The following GAS7 variants were observed in gnomAD, a reference collection of about 807,000 sequenced individuals.
GAS7 encodes growth arrest-specific protein 7.
Under a neutral mutation model 71.1 loss-of-function variants are expected in GAS7, and 28 were observed. That is an observed-to-expected ratio of 0.39 (90% confidence interval 0.29 to 0.54). The LOEUF (loss-of-function observed/expected upper bound fraction) is 0.54. Ranked by LOEUF, GAS7 falls within the 20% of genes least tolerant of loss-of-function variation. The pLI is 0.62. For missense variants in GAS7, 436 were observed against 627.8 expected (o/e 0.69, Z 3.27); for synonymous variants, 258 against 245.8 (o/e 1.05, Z -0.46).
At chr17:10,127,867 C>T (rs1248655288) in intron 1 of GAS7, among the ~76,000 whole-genome samples, 1 of 152,236 alleles carries the variant, frequency 6.6e-6, no homozygotes, top group Non-Finnish European at 1.5e-5. Context: ...CCAGAACCCA[C>T]GCAAAGATCT....
intron 1 of GAS7, among the ~76,000 whole-genome samples, chr17:10,063,000 G>A (rs2073236089): frequency 6.6e-6 from 1 of 152,246 alleles, no homozygotes; most frequent in Admixed American, 6.5e-5. Context: ...CAGACATCAG[G>A]GGGCACACAG....
intron 2 of GAS7, among the ~76,000 whole-genome samples, chr17:10,007,416 G>A (rs1211120880): frequency 6.6e-6 from 1 of 151,960 alleles, no homozygotes; most frequent in Non-Finnish European, 1.5e-5. Flanking sequence ...CCTGAGGTCA[G>A]GAGTTTGAGA....
chr17:10,038,310 C>T lies in GAS7; in HGVS notation c.184-18413G>A, dbSNP rs540298421. 7.2e-5 allele frequency among the ~76,000 whole-genome samples: 11 copies of T among 152,210 alleles called. No homozygotes were observed. The East Asian group carries it at 2.1e-3, about 29-fold the overall frequency. On this transcript the variant is annotated intron_variant, in intron 1 of 13. Transcript: ENST00000432992. ...GGTGCAGTGAGCTAGGATCACACCA[C>T]TCTCACTCCAGCCTGGGCAACGGAG...
At chr17:10,080,799 TGAA>T (rs1301889668) in intron 1 of GAS7, among the ~76,000 whole-genome samples, 13 of 152,208 alleles carry the variant, frequency 8.5e-5, no homozygotes, top group Non-Finnish European at 1.8e-4. Context: ...AAGACAATTT[TGAA>T]GAAGAATGAG....
chr17:10,110,051 C>G (rs1413378807), intron 1 of GAS7, among the ~76,000 whole-genome samples: 1 of 112,694 alleles, frequency 8.9e-6, no homozygotes. Flanking sequence ...AAGGCTCCGT[C>G]TCAAAAAAAA....
intron 1 of GAS7, among the ~76,000 whole-genome samples, chr17:10,185,538 A>T (rs2074445651): frequency 6.6e-6 from 1 of 152,234 alleles, no homozygotes; most frequent in South Asian, 2.1e-4. Flanking sequence ...TGTATCCTTT[A>T]TAGTAAACCA....
chr17:9,991,255 G>A (rs1426246321), intron 2 of GAS7, among the ~76,000 whole-genome samples: 1 of 152,182 alleles, frequency 6.6e-6, no homozygotes, highest in Admixed American at 6.5e-5. Flanking sequence ...TGCTAGGGGT[G>A]AAGGGGGGCT....
chr17:10,025,045 G>T (rs1479175791), intron 1 of GAS7, among the ~76,000 whole-genome samples: 1 of 152,196 alleles, frequency 6.6e-6, no homozygotes, highest in African/African-American at 2.4e-5. Flanking sequence ...CAAGGCATCT[G>T]AGACGCAGAG....
In GAS7 at chr17:10,186,042, G is replaced by A. The variant is rs931838538; in HGVS notation, c.183+12166C>T. Among the ~76,000 whole-genome samples, 4 of 137,320 alleles carry A rather than the reference G, an allele frequency of 2.9e-5. No individual in the cohort carries two copies. In the South Asian group the frequency reaches 7.3e-4, roughly 25 times the overall value. 90.1% of individuals were successfully genotyped at this position (137,320 alleles called of 152,430 possible). A position where few individuals can be genotyped will look rare whatever the true frequency, so the allele number is the denominator to read the frequency against. Reference sequence around the variant, plus strand: ...GCATTCTCGGCTCACTGCAAGCTCCGCCTCCTGGTTCACGCCATTCTCCTG... The same window carrying A: ...GCATTCTCGGCTCACTGCAAGCTCCACCTCCTGGTTCACGCCATTCTCCTG... On this transcript the variant is annotated intron_variant, in intron 1 of 13. Coordinates refer to ENST00000432992, the MANE Select transcript of GAS7 (RefSeq NM_201433.2).
intron 1 of GAS7, among the ~76,000 whole-genome samples, chr17:10,084,875 C>T (rs1597782678): frequency 6.6e-6 from 1 of 152,158 alleles, no homozygotes. Context: ...CTCTCCACAA[C>T]AAACGCCAAG....
chr17:9,980,653 A>G (rs2070378687), intron 3 of GAS7, among the ~76,000 whole-genome samples: 1 of 152,220 alleles, frequency 6.6e-6, no homozygotes, highest in South Asian at 2.1e-4. Flanking sequence ...TTGGTGAATT[A>G]GTTCAACACG....
chr17:10,117,607 G>A (rs1271936520), intron 1 of GAS7, among the ~76,000 whole-genome samples: 1 of 152,172 alleles, frequency 6.6e-6, no homozygotes, highest in African/African-American at 2.4e-5. Flanking sequence ...ACCCAATTAT[G>A]TAGCACCTCA....
intron 1 of GAS7, among the ~76,000 whole-genome samples, chr17:10,177,290 A>T (rs540977869): frequency 1.3e-5 from 2 of 152,280 alleles, no homozygotes; most frequent in African/African-American, 4.8e-5. Flanking sequence ...AAAGGCACAG[A>T]GGTGTCAGGT....
At chr17:10,195,234 C>A (rs1035148932) in intron 1 of GAS7, among the ~76,000 whole-genome samples, 7 of 152,204 alleles carry the variant, frequency 4.6e-5, no homozygotes, top group Non-Finnish European at 8.8e-5. Context: ...TGGCCTCCTC[C>A]CAAGGGCTAG....
intron 9 of GAS7, among the ~76,000 whole-genome samples, chr17:9,928,267 C>A (rs2068085807): frequency 6.7e-6 from 1 of 148,998 alleles, no homozygotes; most frequent in Admixed American, 6.8e-5. Flanking sequence ...CACCTGCCAC[C>A]ACGCCCGGCT....
chr17:10,031,429 G>A lies in GAS7; in HGVS notation c.184-11532C>T, dbSNP rs376296503. 5.2e-4 allele frequency among the ~76,000 whole-genome samples: 79 copies of A among 152,314 alleles called. No homozygotes were observed. In the East Asian group the frequency reaches 0.014, roughly 26 times the overall value. ...AAGCTGGAAATATGGAGTCTCCGGGGGGACAAGGATTGATGAAAAGATTTG... is the reference window on the plus strand; with the variant it reads ...AAGCTGGAAATATGGAGTCTCCGGGAGGACAAGGATTGATGAAAAGATTTG... On this transcript the variant is annotated intron_variant, in intron 1 of 13. Coordinates refer to ENST00000432992, the MANE Select transcript of GAS7 (RefSeq NM_201433.2).
At chr17:10,066,952 G>GAA (rs2073287801) in intron 1 of GAS7, among the ~76,000 whole-genome samples, 2 of 152,056 alleles carry the variant, frequency 1.3e-5, no homozygotes, top group Admixed American at 6.5e-5. Flanking sequence ...CAATTCCCGT[G>GAA]AAGACAAAAA....
At chr17:10,165,949 C>T (rs926931963) in intron 1 of GAS7, among the ~76,000 whole-genome samples, 4 of 152,022 alleles carry the variant, frequency 2.6e-5, no homozygotes, top group Admixed American at 6.5e-5. Flanking sequence ...TGGTCGGCCT[C>T]GCAGAGGTCT....
intron 5 of GAS7, among the ~76,000 whole-genome samples, chr17:9,947,302 C>T (rs2068823415): frequency 6.6e-6 from 1 of 152,172 alleles, no homozygotes; most frequent in Non-Finnish European, 1.5e-5. Flanking sequence ...CAGTGACATC[C>T]ACACACGCTT....
Sources: allele counts gnomAD v4.1 joint callset (sites outside exome capture counted in the v4.1 genomes callset), GRCh38; gene constraint gnomAD v4.1.1; transcripts MANE v1.5; gene names NCBI Gene and HGNC (gene_info 2026-07-23, HGNC 2026-07-21).